Variants in GABBR2 observed in about 807,000 individuals in gnomAD.
The protein encoded by GABBR2 is G-protein coupled receptor 51.
In GABBR2, 23 loss-of-function variants were observed where a neutral mutation model predicts 105.6. The ratio of observed to expected loss-of-function variants is 0.22; its 90% CI spans 0.16 to 0.31. The LOEUF (loss-of-function observed/expected upper bound fraction) is 0.31, where lower values mean the gene tolerates loss of function less well. Among genes scored for constraint, GABBR2 ranks in the 10% least tolerant of loss-of-function variants. The pLI is 1.00. For synonymous variants in GABBR2, 478 were observed against 499.7 expected, an observed-to-expected ratio of 0.96 and a Z score of 0.58; for missense variants, 734 against 1,245.5, an observed-to-expected ratio of 0.59 and a Z score of 6.18.
At chr9:98,654,115 G>T (rs1407625798) in intron 1 of GABBR2, among the ~76,000 whole-genome samples, 1 of 152,204 alleles carries the variant, frequency 6.6e-6, no homozygotes, top group Non-Finnish European at 1.5e-5. Context: ...CACAAAATGT[G>T]TACAGACACA....
intron 15 of GABBR2, among the ~76,000 whole-genome samples, chr9:98,305,738 C>A (rs1050094063): frequency 6.6e-6 from 1 of 151,770 alleles, no homozygotes. Context: ...TTGCTCGATT[C>A]CGGGAGGTTG....
intron 1 of GABBR2, among the ~76,000 whole-genome samples, chr9:98,679,309 C>A (rs1225621130): frequency 6.6e-6 from 1 of 152,216 alleles, no homozygotes; most frequent in Non-Finnish European, 1.5e-5. Context: ...TGAGAAACCA[C>A]AGGACCAATG....
chr9:98,707,274 C>T (rs1355069923), intron 1 of GABBR2: 1 of 152,344 alleles, frequency 6.6e-6, no homozygotes, highest in African/African-American at 2.4e-5. Flanking sequence ...CCGGAGAGTC[C>T]CAGGAAGCCA....
intron 1 of GABBR2, among the ~76,000 whole-genome samples, chr9:98,588,822 G>A (rs1829109249): frequency 1.3e-5 from 2 of 152,164 alleles, no homozygotes; most frequent in Non-Finnish European, 1.5e-5. Context: ...GCCCAGGTTG[G>A]CCTGTAAAAC....
chr9:98,515,908 C>G (rs1167719907), intron 3 of GABBR2: 2 of 152,342 alleles, frequency 1.3e-5, no homozygotes, highest in Non-Finnish European at 2.9e-5. Flanking sequence ...AAGACTGATA[C>G]TCATGTCTCT....
chr9:98,427,559 G>A (rs1456041815), intron 7 of GABBR2, among the ~76,000 whole-genome samples: 3 of 152,146 alleles, frequency 2.0e-5, no homozygotes, highest in Admixed American at 6.5e-5. Flanking sequence ...GCCTCCTGGC[G>A]GTCACTACCA....
At chr9:98,320,136 A>C (rs1363850159) in intron 13 of GABBR2, among the ~76,000 whole-genome samples, 1 of 151,926 alleles carries the variant, frequency 6.6e-6, no homozygotes, top group Non-Finnish European at 1.5e-5. Context: ...TACAAGAAAA[A>C]AACAAACAAC....
At chr9:98,489,714 C>T (rs887223870) in intron 4 of GABBR2, among the ~76,000 whole-genome samples, 4 of 152,050 alleles carry the variant, frequency 2.6e-5, no homozygotes, top group African/African-American at 7.2e-5. Context: ...GCGACCATCA[C>T]ACAATTGGGA....
At chr9:98,676,460 A>G (rs1190299480) in intron 1 of GABBR2, among the ~76,000 whole-genome samples, 1 of 152,278 alleles carries the variant, frequency 6.6e-6, no homozygotes, top group East Asian at 1.9e-4. Flanking sequence ...TAGAGATTAA[A>G]TGTAACCAGC....
At chr9:98,381,333 A>G (rs1174917804) in intron 11 of GABBR2, among the ~76,000 whole-genome samples, 1 of 152,188 alleles carries the variant, frequency 6.6e-6, no homozygotes, top group East Asian at 1.9e-4. Context: ...CGTGATCACT[A>G]CACCATAGGG....
chr9:98,421,084 C>T (rs775403208), intron 7 of GABBR2, among the ~76,000 whole-genome samples: 1 of 152,114 alleles, frequency 6.6e-6, no homozygotes, highest in Non-Finnish European at 1.5e-5. Flanking sequence ...AACTGGGCCC[C>T]GAGGTGTCCC....
intron 1 of GABBR2, among the ~76,000 whole-genome samples, chr9:98,677,463 A>G (rs954641369): frequency 3.3e-5 from 5 of 152,198 alleles, no homozygotes; most frequent in African/African-American, 1.2e-4. Context: ...TCTGGTCCTC[A>G]TGGTGGTTAT....
At chr9:98,350,005 A>G (rs1033339005) in intron 13 of GABBR2, among the ~76,000 whole-genome samples, 3 of 150,096 alleles carry the variant, frequency 2.0e-5, no homozygotes, top group Non-Finnish European at 4.4e-5. Flanking sequence ...AAATTTACCC[A>G]TTTCCTTTAG....
chr9:98,311,272 CTGAG>C, intron 13 of GABBR2, 67 bp from the exon 14 acceptor site: 2 of 949,514 alleles, frequency 2.1e-6, no homozygotes, highest in Non-Finnish European at 3.4e-6. Context: ...GGGTCCTTAT[CTGAG>C]AGCCCTTTTC....
At chr9:98,523,923 G>A (rs1827912177) in intron 3 of GABBR2, among the ~76,000 whole-genome samples, 2 of 152,034 alleles carry the variant, frequency 1.3e-5, no homozygotes, top group Non-Finnish European at 2.9e-5. Context: ...AATTTAAGAT[G>A]TTAATAACAA....
intron 4 of GABBR2, among the ~76,000 whole-genome samples, chr9:98,482,768 C>T (rs1409694514): frequency 6.6e-6 from 1 of 152,098 alleles, no homozygotes; most frequent in East Asian, 1.9e-4. Context: ...TCCTATCTAC[C>T]TTGCCCAGTG....
Position 98,708,771 on chromosome 9 carries a change from G to C in GABBR2, c.-34C>G, listed in dbSNP as rs1489482305. The C allele has an allele frequency of 3.1e-6, 3 of 976,630 alleles. No homozygotes were observed. In the African/African-American group the frequency reaches 5.3e-5, roughly 17 times the overall value. 60.5% of individuals were successfully genotyped at this position (976,630 alleles called of 1,614,324 possible). On this transcript the variant is annotated 5_prime_UTR_variant, in exon 1 of 19. Coordinates refer to ENST00000259455, the MANE Select transcript of GABBR2 (RefSeq NM_005458.8). Reference sequence around the variant, plus strand: ...GCGGGCTGCGGGCGCCGGCTCACTCGGCCCGCATGGCCTGGCCCGGCCCGC... The same window carrying C: ...GCGGGCTGCGGGCGCCGGCTCACTCCGCCCGCATGGCCTGGCCCGGCCCGC...
At chr9:98,448,577 C>T (rs930863471) in intron 7 of GABBR2, among the ~76,000 whole-genome samples, 1 of 152,134 alleles carries the variant, frequency 6.6e-6, no homozygotes, top group Admixed American at 6.5e-5. Flanking sequence ...CCACCATGCC[C>T]GGCTAAATTT....
chr9:98,590,873 A>T (rs1829137250), intron 1 of GABBR2, among the ~76,000 whole-genome samples: 1 of 152,198 alleles, frequency 6.6e-6, no homozygotes, highest in Non-Finnish European at 1.5e-5. Flanking sequence ...ATTTAGCAAC[A>T]TGTAGTAAAT....
Sources: gnomAD v4.1 joint callset for allele counts (sites outside exome capture counted in the v4.1 genomes callset) on GRCh38, gnomAD v4.1.1 for gene constraint, MANE v1.5 for transcripts, NCBI Gene and HGNC (gene_info 2026-07-23, HGNC 2026-07-21) for gene names.